HIP1: variants seen among roughly 807,000 people sequenced by gnomAD.
HIP1 encodes the protein huntingtin-interacting protein 1.
In HIP1, 65 loss-of-function variants were observed where a neutral mutation model predicts 147.6. The observed-to-expected ratio is 0.44, with a 90% CI of 0.36 to 0.54. The LOEUF is 0.54. HIP1 is among the 20% of genes least tolerant of loss of function. HIP1 has a pLI of 0.00. For synonymous variants in HIP1, 479 were observed against 504.0 expected (o/e 0.95, Z 0.67); for missense variants, 1,061 against 1,299.6 (o/e 0.82, Z 2.82).
intron 1 of HIP1, among the ~76,000 whole-genome samples, chr7:75,627,259 T>C: frequency 6.6e-6 from 1 of 152,196 alleles, no homozygotes; most frequent in East Asian, 1.9e-4. Flanking sequence ...ATAAACCTTT[T>C]CCAAATAAAT....
At chr7:75,726,224 A>G (rs1436293999) in intron 1 of HIP1, among the ~76,000 whole-genome samples, 1 of 151,830 alleles carries the variant, frequency 6.6e-6, no homozygotes, top group Non-Finnish European at 1.5e-5. Flanking sequence ...TTTTAGCATA[A>G]CACTAGACAT....
In HIP1 at chr7:75,573,844, C is replaced by A. The variant is rs782003111; in HGVS notation, c.662G>T (p.Arg221Leu). Reference sequence around the variant, plus strand: ...GATGACCTGGATCAGCGGGGCGAGGCGGCACTGCCCTGCTGCCGTCACGGA... The same window carrying A: ...GATGACCTGGATCAGCGGGGCGAGGAGGCACTGCCCTGCTGCCGTCACGGA... ...SVSVTAAGQC[R>L]LAPLIQVILD... Residue 221 changes from arginine to leucine, a missense_variant, in exon 8 of 31, where the codon CGC (arginine) becomes CTC (leucine). Coordinates refer to ENST00000336926, the MANE Select transcript of HIP1 (RefSeq NM_005338.7). 6.2e-7 allele frequency: 1 copy of A among 1,614,012 alleles called. No individual in the cohort carries two copies. The highest frequency in any genetic ancestry group is 8.5e-7 in the Non-Finnish European group (1 of 1,179,942).
chr7:75,587,557 G>T (rs782599882), intron 4 of HIP1, among the ~76,000 whole-genome samples: 5 of 152,180 alleles, frequency 3.3e-5, no homozygotes, highest in Non-Finnish European at 7.3e-5. Context: ...ATTCAAACCA[G>T]TTGAAATTTT....
intron 1 of HIP1, among the ~76,000 whole-genome samples, chr7:75,719,712 G>T (rs182654111): frequency 3.3e-5 from 5 of 151,818 alleles, no homozygotes; most frequent in Non-Finnish European, 5.9e-5. Flanking sequence ...GAGCCACCAC[G>T]CCTGGCCCTC....
chr7:75,592,277 A>G, intron 3 of HIP1, 95 bp downstream of exon 3: 1 of 1,463,836 alleles, frequency 6.8e-7, no homozygotes. Context: ...AGAAGGGGGC[A>G]GTGTGGGAGA....
chr7:75,605,911 G>A (rs1452691273), intron 1 of HIP1, among the ~76,000 whole-genome samples: 1 of 152,144 alleles, frequency 6.6e-6, no homozygotes, highest in Non-Finnish European at 1.5e-5. Flanking sequence ...GTGCAGTGGT[G>A]CAATCATAGC....
At chr7:75,566,960 A>G (rs1795427407) in intron 9 of HIP1, among the ~76,000 whole-genome samples, 1 of 151,038 alleles carries the variant, frequency 6.6e-6, no homozygotes, top group Non-Finnish European at 1.5e-5. Context: ...AAAAATACAA[A>G]AATTAGTCGG....
rs1554495971 is a variant in HIP1 at position 75,568,389 on chromosome 7, C to T, written c.746-133G>A. Reference sequence around the variant, plus strand: ...AGCACTGCCAGGGGCCACGACTGGCCTAGAGCTGTCCCGAGGTCTGGTAAC... The same window carrying T: ...AGCACTGCCAGGGGCCACGACTGGCTTAGAGCTGTCCCGAGGTCTGGTAAC... On this transcript the variant is annotated intron_variant, in intron 8 of 30. Transcript: ENST00000336926. This position sits in a 1 kb window ranked among gnomAD's most constrained non-coding sequence, Gnocchi z 4.1. The T allele has an allele frequency of 1.4e-6, 1 of 699,650 alleles. No individual in the cohort carries two copies. The highest frequency in any genetic ancestry group is 2.6e-6 in the Non-Finnish European group (1 of 380,302). The allele number at this position is 699,650 out of a possible 1,614,324, so 43.3% of individuals were successfully genotyped here. A position where few individuals can be genotyped will look rare whatever the true frequency, so the allele number is the denominator to read the frequency against.
intron 4 of HIP1, among the ~76,000 whole-genome samples, chr7:75,589,684 A>G (rs1554500311): frequency 3.1e-4 from 2 of 6,542 alleles, no homozygotes; most frequent in East Asian, 5.5e-3. Context: ...CTCTGTCTCC[A>G]AAAAAAAAAA....
intron 1 of HIP1, among the ~76,000 whole-genome samples, chr7:75,640,752 C>CAAAAATAAT (rs1447046052): frequency 5.9e-5 from 5 of 85,004 alleles, no homozygotes; most frequent in Non-Finnish European, 7.6e-5. Context: ...GACTCCATCT[C>CAAAAATAAT]AATAATAATA....
Position 75,568,266 on chromosome 7 carries a change from A to G in HIP1, c.746-10T>C. 1 of 1,606,292 alleles carries G rather than the reference A, an allele frequency of 6.2e-7. No homozygotes were observed. Among genetic ancestry groups the G allele is most frequent in the East Asian group, 2.2e-5 (1 of 44,814 alleles). On this transcript the variant is annotated splice_polypyrimidine_tract_variant and intron_variant, in intron 8 of 30. Transcript: ENST00000336926. This position sits in a 1 kb window ranked among gnomAD's most constrained non-coding sequence, Gnocchi z 4.1. Reference sequence around the variant, plus strand: ...GTGTCAGCTGGGAGGCCTGGAAGAAATTGGAAAGAGTGTGAGAGGGGAGGG... The same window carrying G: ...GTGTCAGCTGGGAGGCCTGGAAGAAGTTGGAAAGAGTGTGAGAGGGGAGGG...
At chr7:75,624,364 A>G (rs1262293560) in intron 1 of HIP1, among the ~76,000 whole-genome samples, 1 of 152,204 alleles carries the variant, frequency 6.6e-6, no homozygotes, top group African/African-American at 2.4e-5. Flanking sequence ...CTCAGAAAGC[A>G]AAGCTGCCAG....
chr7:75,591,924 C>G (rs1200451737), intron 4 of HIP1, 132 bp downstream of exon 4: 5 of 793,330 alleles, frequency 6.3e-6, no homozygotes, highest in African/African-American at 1.7e-5. Context: ...CTTAGTCCGT[C>G]TCTGGCACCC....
chr7:75,685,721 G>C (rs1800239775), intron 1 of HIP1, among the ~76,000 whole-genome samples: 1 of 152,018 alleles, frequency 6.6e-6, no homozygotes, highest in African/African-American at 2.4e-5. Flanking sequence ...GCTAATTTTT[G>C]TATTTTTAGT....
At chr7:75,639,019 G>A (rs928410410) in intron 1 of HIP1, 167 of 949,968 alleles carry the variant, frequency 1.8e-4, no homozygotes, top group Non-Finnish European at 1.7e-4. Context: ...TGTGGGGAGG[G>A]GGCTCGGGGC....
intron 1 of HIP1, among the ~76,000 whole-genome samples, chr7:75,646,756 G>C (rs1381995355): frequency 1.3e-5 from 2 of 152,212 alleles, no homozygotes; most frequent in Non-Finnish European, 2.9e-5. Context: ...CTGCCCCATG[G>C]CACTCTCTGG....
At chr7:75,697,312 C>A (rs1006549659) in intron 1 of HIP1, among the ~76,000 whole-genome samples, 1 of 151,882 alleles carries the variant, frequency 6.6e-6, no homozygotes, top group Non-Finnish European at 1.5e-5. Flanking sequence ...TCACCAGCAA[C>A]CCCAGCACTT....
intron 1 of HIP1, among the ~76,000 whole-genome samples, chr7:75,629,413 C>T (rs966027069): frequency 3.3e-5 from 5 of 152,206 alleles, no homozygotes; most frequent in Admixed American, 3.3e-4. Flanking sequence ...ATTCATTCCC[C>T]AGGGTTGTAT....
At chr7:75,584,549 C>A (rs1796182622) in intron 5 of HIP1, among the ~76,000 whole-genome samples, 1 of 152,140 alleles carries the variant, frequency 6.6e-6, no homozygotes, top group African/African-American at 2.4e-5. Context: ...CCTCTTCGAC[C>A]CCAGTTCTCC....
Sources: allele counts gnomAD v4.1 joint callset (sites outside exome capture counted in the v4.1 genomes callset), GRCh38; gene constraint gnomAD v4.1.1; non-coding constraint Gnocchi (gnomAD v3.1); transcripts MANE v1.5; gene names NCBI Gene and HGNC (gene_info 2026-07-23, HGNC 2026-07-21).